Variants in TMEM117 observed in about 807,000 individuals in gnomAD.
TMEM117 encodes transmembrane protein 117.
TMEM117 carries 27 observed loss-of-function variants against 52.4 expected under a neutral mutation model. The observed-to-expected ratio is 0.51, with a 90% CI of 0.38 to 0.71. The LOEUF (loss-of-function observed/expected upper bound fraction) is 0.71, where lower values mean the gene tolerates loss of function less well. Ranked by LOEUF, TMEM117 falls within the 30% of genes least tolerant of loss-of-function variation. The pLI is 0.00. For missense variants in TMEM117, 556 were observed against 630.5 expected, an observed-to-expected ratio of 0.88 and a Z score of 1.26; for synonymous variants, 215 against 206.3, an observed-to-expected ratio of 1.04 and a Z score of -0.36.
intron 3 of TMEM117, among the ~76,000 whole-genome samples, chr12:44,027,111 T>C (rs28456055): frequency 0.012 from 1,283 of 103,960 alleles, 13 homozygotes; most frequent in Middle Eastern, 0.029. Flanking sequence ...TTTATTTTAT[T>C]TTATCTTATT....
intron 5 of TMEM117, among the ~76,000 whole-genome samples, chr12:44,287,866 T>C (rs1479879821): frequency 6.6e-6 from 1 of 152,240 alleles, no homozygotes; most frequent in Non-Finnish European, 1.5e-5. Context: ...TCAGCACTTT[T>C]AAACTGGGTG....
chr12:44,196,985 A>G (rs1949429454), intron 4 of TMEM117, among the ~76,000 whole-genome samples: 1 of 152,200 alleles, frequency 6.6e-6, no homozygotes, highest in Admixed American at 6.5e-5. Flanking sequence ...TAGCCTACAG[A>G]TTTGGGTTTG....
intron 5 of TMEM117, among the ~76,000 whole-genome samples, chr12:44,296,084 A>G (rs1309207749): frequency 6.6e-6 from 1 of 152,164 alleles, no homozygotes; most frequent in Non-Finnish European, 1.5e-5. Flanking sequence ...TGGTTCTTAC[A>G]AGGAGCAGAG....
the TMEM117 span, among the ~76,000 whole-genome samples, chr12:43,822,833 G>A: frequency 6.6e-6 from 1 of 151,522 alleles, no homozygotes; most frequent in Non-Finnish European, 1.5e-5. Context: ...GGAGGCAGAG[G>A]TTGCATTGCA....
At chr12:44,086,702 C>A (rs1040298276) in intron 3 of TMEM117, among the ~76,000 whole-genome samples, 1 of 151,992 alleles carries the variant, frequency 6.6e-6, no homozygotes, top group Non-Finnish European at 1.5e-5. Flanking sequence ...TGGTCAAGGG[C>A]CATTTGCAAG....
At chr12:44,265,560 T>C (rs985689986) in intron 5 of TMEM117, among the ~76,000 whole-genome samples, 6 of 152,290 alleles carry the variant, frequency 3.9e-5, no homozygotes, top group East Asian at 3.9e-4. Flanking sequence ...GTGAACCCGT[T>C]TGGGAAATAG....
intron 6 of TMEM117, among the ~76,000 whole-genome samples, chr12:44,370,002 G>A (rs1951840426): frequency 6.6e-6 from 1 of 152,124 alleles, no homozygotes; most frequent in Non-Finnish European, 1.5e-5. Context: ...TCAAATTTAT[G>A]GCAGGGCATC....
intron 4 of TMEM117, among the ~76,000 whole-genome samples, chr12:44,161,563 C>A (rs946787811): frequency 5.3e-5 from 8 of 152,056 alleles, no homozygotes; most frequent in African/African-American, 1.9e-4. Context: ...TTTATATATG[C>A]CATTTGTAAA....
chr12:44,085,735 T>C (rs1947556148), intron 3 of TMEM117, among the ~76,000 whole-genome samples: 1 of 152,242 alleles, frequency 6.6e-6, no homozygotes, highest in Admixed American at 6.5e-5. Context: ...GAACATGTTT[T>C]CTTCCTGGAA....
intron 3 of TMEM117, among the ~76,000 whole-genome samples, chr12:44,066,541 A>G (rs569082957): frequency 1.3e-5 from 2 of 152,346 alleles, no homozygotes; most frequent in East Asian, 3.9e-4. Context: ...AGCGAGTCAC[A>G]TGAATTTCTT....
intron 3 of TMEM117, among the ~76,000 whole-genome samples, chr12:44,123,195 G>A (rs1478706036): frequency 1.3e-5 from 2 of 150,524 alleles, no homozygotes; most frequent in Non-Finnish European, 3.0e-5. Context: ...TTGGCTGTAC[G>A]TATTTCTTCT....
chr12:43,899,873 G>GTGCAAAC (rs5797880), intron 2 of TMEM117, among the ~76,000 whole-genome samples: 150,610 of 152,188 alleles, frequency 0.99, 74,554 homozygotes, highest in East Asian at 1. Flanking sequence ...ATGTGACCTT[G>GTGCAAAC]TGCTTTTCTT....
rs1463754771 is a variant in TMEM117, at chr12:43,836,452, G to T, written c.-29+256G>T. On this transcript the variant is annotated intron_variant, in intron 1 of 7. Transcript: ENST00000266534. ...GGGACGCGCCAGCCCTCTGGCTAAGGGCAGAGGAGACTCCCGGGCGAAAGG... is the reference window on the plus strand; with the variant it reads ...GGGACGCGCCAGCCCTCTGGCTAAGTGCAGAGGAGACTCCCGGGCGAAAGG... Among the ~76,000 whole-genome samples, 5 of 152,182 alleles carry T rather than the reference G, an allele frequency of 3.3e-5. No individual in the cohort carries two copies. The East Asian group carries it at 9.6e-4, about 29-fold the overall frequency.
chr12:44,256,852 G>C lies in TMEM117; in HGVS notation c.609-42728G>C, dbSNP rs1240611227. 2.0e-5 allele frequency among the ~76,000 whole-genome samples: 3 copies of C among 151,546 alleles called. No homozygotes were observed. The East Asian group carries it at 5.8e-4, about 29-fold the overall frequency. The stretch of plus-strand genomic sequence containing the variant: ...TTTCTACAGGTTATTGATTTTACCT[G>C]TCTCAGTATATAATGATTGTTTGGT... On this transcript the variant is annotated intron_variant, in intron 5 of 7. Transcript: ENST00000266534.
At chr12:44,063,629 C>T (rs1947175970) in intron 3 of TMEM117, among the ~76,000 whole-genome samples, 2 of 149,012 alleles carry the variant, frequency 1.3e-5, no homozygotes, top group East Asian at 4.0e-4. Flanking sequence ...CCCCCCACCC[C>T]ACAACAGCCC....
At chr12:44,324,006 A>G (rs1330697573) in intron 6 of TMEM117, among the ~76,000 whole-genome samples, 1 of 152,004 alleles carries the variant, frequency 6.6e-6, no homozygotes, top group Admixed American at 6.6e-5. Context: ...CTCATTACTG[A>G]TCCTCTTTCT....
At chr12:43,797,443 T>C in the TMEM117 span, 1 of 1,588,920 alleles carries the variant, frequency 6.3e-7, no homozygotes, top group Admixed American at 1.8e-5. Context: ...TCATTTTTTA[T>C]ATCTATTTCC....
chr12:44,362,135 GT>G (rs1951729329), intron 6 of TMEM117, among the ~76,000 whole-genome samples: 1 of 151,926 alleles, frequency 6.6e-6, no homozygotes, highest in Admixed American at 6.6e-5. Context: ...TCAATCCCTA[GT>G]TTATTTCCTT....
At chr12:44,242,387 G>A (rs1950073785) in intron 5 of TMEM117, among the ~76,000 whole-genome samples, 1 of 151,786 alleles carries the variant, frequency 6.6e-6, no homozygotes, top group African/African-American at 2.4e-5. Flanking sequence ...AGAACATGTG[G>A]TATTGGGTTT....
Sources: gnomAD v4.1 joint callset for allele counts (sites outside exome capture counted in the v4.1 genomes callset) on GRCh38, gnomAD v4.1.1 for gene constraint, MANE v1.5 for transcripts, NCBI Gene and HGNC (gene_info 2026-07-23, HGNC 2026-07-21) for gene names.